Variants in STK3 observed in about 807,000 individuals in gnomAD.
STK3 encodes the protein serine/threonine kinase 3.
In STK3, 41 loss-of-function variants were observed where a neutral mutation model predicts 58.0. That is an observed-to-expected ratio of 0.71 (90% CI 0.55 to 0.92). The LOEUF (loss-of-function observed/expected upper bound fraction) is 0.92. STK3 is among the 40% of genes least tolerant of loss of function. STK3 has a pLI of 0.00. For missense variants in STK3, 479 were observed against 602.7 expected (o/e 0.79, Z 2.15); for synonymous variants, 170 against 191.0 (o/e 0.89, Z 0.91).
At chr8:98,699,062 C>T (rs1165950413) in intron 6 of STK3, among the ~76,000 whole-genome samples, 1 of 152,162 alleles carries the variant, frequency 6.6e-6, no homozygotes, top group Non-Finnish European at 1.5e-5. Context: ...TTGTTCATTT[C>T]TTTTTGTTCT....
At chr8:98,799,965 T>C (rs969245663) in intron 1 of STK3, among the ~76,000 whole-genome samples, 1 of 152,076 alleles carries the variant, frequency 6.6e-6, no homozygotes, top group Non-Finnish European at 1.5e-5. Flanking sequence ...AAGAGTGTTG[T>C]TTTTACACTA....
intron 6 of STK3, among the ~76,000 whole-genome samples, chr8:98,614,794 G>T (rs977318841): frequency 7.2e-5 from 11 of 152,166 alleles, no homozygotes; most frequent in African/African-American, 2.4e-4. Context: ...CCCACACCTG[G>T]CTTGGAGGGT....
chr8:98,823,600 T>G (rs891066235), intron 1 of STK3, among the ~76,000 whole-genome samples: 1 of 152,234 alleles, frequency 6.6e-6, no homozygotes, highest in African/African-American at 2.4e-5. Context: ...GTTGAACACA[T>G]AGGGGCTTCA....
chr8:98,366,831 C>A (rs371184542), downstream of STK3, among the ~76,000 whole-genome samples: 1 of 152,326 alleles, frequency 6.6e-6, no homozygotes, highest in East Asian at 1.9e-4. Flanking sequence ...TCTACTAGAC[C>A]TATCTTTCCA....
intron 6 of STK3, among the ~76,000 whole-genome samples, chr8:98,681,590 G>C (rs911183432): frequency 6.6e-6 from 1 of 152,140 alleles, no homozygotes; most frequent in Non-Finnish European, 1.5e-5. Context: ...TACTTAAAAT[G>C]AATGTTTAAG....
At chr8:98,625,207 C>T (rs1237751213) in intron 6 of STK3, among the ~76,000 whole-genome samples, 1 of 152,082 alleles carries the variant, frequency 6.6e-6, no homozygotes, top group Non-Finnish European at 1.5e-5. Flanking sequence ...AACTGTGAGC[C>T]TTACTGCTAT....
chr8:98,584,091 A>C (rs1010776560), intron 7 of STK3, among the ~76,000 whole-genome samples: 15 of 151,352 alleles, frequency 9.9e-5, no homozygotes, highest in Non-Finnish European at 2.1e-4. Flanking sequence ...TTTTTTTTTA[A>C]AGTTTTTTTT....
At chr8:98,902,558 A>G (rs981323846) in intron 1 of STK3, among the ~76,000 whole-genome samples, 17 of 152,114 alleles carry the variant, frequency 1.1e-4, no homozygotes, top group Admixed American at 9.8e-4. Flanking sequence ...GTTGATCACA[A>G]ATCTCTCTCA....
chr8:98,882,244 T>A (rs1416784829), downstream of STK3: 1 of 152,168 alleles, frequency 6.6e-6, no homozygotes, highest in Non-Finnish European at 1.5e-5. Flanking sequence ...CTTTCCTTTT[T>A]AAAATTTTTT....
chr8:98,507,322 G>A (rs2131388805), intron 10 of STK3, among the ~76,000 whole-genome samples: 1 of 152,146 alleles, frequency 6.6e-6, no homozygotes. Context: ...TTCAGTTATA[G>A]GCAACACCAT....
intron 10 of STK3, among the ~76,000 whole-genome samples, chr8:98,500,489 T>C (rs967406059): frequency 6.6e-6 from 1 of 152,166 alleles, no homozygotes; most frequent in Admixed American, 6.5e-5. Context: ...ATTAGGTATT[T>C]CTCCTAATGC....
At chr8:98,660,640 T>G (rs1821897395) in intron 6 of STK3, among the ~76,000 whole-genome samples, 1 of 152,042 alleles carries the variant, frequency 6.6e-6, no homozygotes. Context: ...CAACTTTATT[T>G]CTTAAAACTG....
At chr8:98,735,521 T>C (rs933678669) in intron 4 of STK3, among the ~76,000 whole-genome samples, 2 of 152,170 alleles carry the variant, frequency 1.3e-5, no homozygotes, top group African/African-American at 4.8e-5. Flanking sequence ...ACATATACTA[T>C]TTTATAGAGC....
At chr8:98,662,404 G>C (rs1045310345) in intron 6 of STK3, among the ~76,000 whole-genome samples, 11 of 152,102 alleles carry the variant, frequency 7.2e-5, no homozygotes, top group African/African-American at 2.7e-4. Context: ...TTCAAATTCT[G>C]ATGTGGAATT....
intron 6 of STK3, among the ~76,000 whole-genome samples, chr8:98,700,319 G>T (rs1398454013): frequency 6.6e-6 from 1 of 152,118 alleles, no homozygotes; most frequent in African/African-American, 2.4e-5. Context: ...TGCACTTCCC[G>T]AGTGAGGCAA....
At chr8:98,491,162 CGAGAGAGA>C (rs61704241) in intron 10 of STK3, among the ~76,000 whole-genome samples, 14,388 of 142,822 alleles carry the variant, frequency 0.1, 692 homozygotes, top group Middle Eastern at 0.12. Context: ...AAAATAAACA[CGAGAGAGA>C]GAGAGAGAGA....
At chr8:98,815,815 A>G (rs1279411550) in intron 1 of STK3, among the ~76,000 whole-genome samples, 1 of 152,208 alleles carries the variant, frequency 6.6e-6, no homozygotes, top group Admixed American at 6.5e-5. Flanking sequence ...ACAGAAGATG[A>G]GGGGAAGTTA....
chr8:98,766,880 T>C (rs1393323257), intron 3 of STK3, among the ~76,000 whole-genome samples: 1 of 152,138 alleles, frequency 6.6e-6, no homozygotes, highest in Non-Finnish European at 1.5e-5. Context: ...CCCAGCACTT[T>C]GGGAGGCCAA....
intron 1 of STK3, among the ~76,000 whole-genome samples, chr8:98,938,192 C>A (rs1840264513): frequency 6.6e-6 from 1 of 151,756 alleles, no homozygotes; most frequent in South Asian, 2.1e-4. Flanking sequence ...TAGATGATGA[C>A]AAGAGGCTTC....
Sources: gnomAD v4.1 joint callset for allele counts (sites outside exome capture counted in the v4.1 genomes callset) on GRCh38, gnomAD v4.1.1 for gene constraint, MANE v1.5 for transcripts, NCBI Gene and HGNC (gene_info 2026-07-23, HGNC 2026-07-21) for gene names.